The following NUP50 variants were observed in gnomAD, a reference collection of about 807,000 sequenced individuals.
NUP50 encodes the protein nucleoporin 50.
In NUP50, 14 loss-of-function variants were observed where a neutral mutation model predicts 36.8. The ratio of observed to expected loss-of-function variants is 0.38; its 90% confidence interval spans 0.25 to 0.59. The LOEUF (loss-of-function observed/expected upper bound fraction) is 0.59. NUP50 is among the 20% of genes least tolerant of loss of function. The pLI, the probability that NUP50 is intolerant of heterozygous loss-of-function variation, is 0.63. For synonymous variants in NUP50, 195 were observed against 210.8 expected (o/e 0.93, Z 0.65); for missense variants, 455 against 564.6 (o/e 0.81, Z 1.97).
intron 2 of NUP50, chr22:45,170,984 A>G (rs957950446): frequency 1.0e-5 from 13 of 1,303,864 alleles, no homozygotes; most frequent in African/African-American, 4.6e-5. Flanking sequence ...TTCCGACCCT[A>G]CAGGGTAAAA....
rs2074196500 is a variant in NUP50 at position 45,171,648 on chromosome 22, A to G, written c.118A>G (p.Ile40Val). The G allele has an allele frequency of 6.2e-7, 1 of 1,614,212 alleles. No individual in the cohort carries two copies. The highest frequency in any genetic ancestry group is 2.2e-5 in the East Asian group (1 of 44,888). ...TGAGGAAGTCTTGAAGAATAGAGCC[A>G]TAAAGAAAGCAAAGCGCAGAAATGT... ...ASEEVLKNRA[I>V]KKAKRRNVGF... Residue 40 changes from isoleucine to valine, a missense_variant, in exon 3 of 8, where the codon ATA becomes GTA. Ile to Val is a conservative substitution (Grantham distance 29). This residue lies in a region of NUP50 where 166 missense variants were observed against 202.8 expected (regional missense o/e 0.82). Coordinates refer to ENST00000347635, the MANE Select transcript of NUP50 (RefSeq NM_007172.4).
intron 1 of NUP50, chr22:45,164,742 C>G (rs1288608744): frequency 6.6e-6 from 1 of 152,166 alleles, no homozygotes; most frequent in East Asian, 1.9e-4. Context: ...AGACTCTCCC[C>G]TGCGGCCCCG....
At chr22:45,182,103 CAT>C (rs1267605473) in intron 6 of NUP50, among the ~76,000 whole-genome samples, 2 of 151,826 alleles carry the variant, frequency 1.3e-5, no homozygotes, top group African/African-American at 4.8e-5. Flanking sequence ...ACTCACATGA[CAT>C]AAAGGAGTGA....
chr22:45,175,712 G>C (rs1410988600), intron 3 of NUP50, 182 bp from the exon 4 acceptor site: 4 of 541,698 alleles, frequency 7.4e-6, no homozygotes, highest in Admixed American at 6.7e-5. Flanking sequence ...TTGCAAAGCT[G>C]TTCTTATGAA....
chr22:45,175,563 GC>G (rs1296364223), intron 3 of NUP50, among the ~76,000 whole-genome samples: 2 of 152,278 alleles, frequency 1.3e-5, no homozygotes, highest in East Asian at 3.9e-4. Context: ...GTTTTATTGA[GC>G]CGCTTCAGTA....
At chr22:45,168,800 C>A (rs2074135886) in intron 2 of NUP50, among the ~76,000 whole-genome samples, 1 of 151,856 alleles carries the variant, frequency 6.6e-6, no homozygotes, top group Non-Finnish European at 1.5e-5. Context: ...CCTTTTCCAG[C>A]AGAATAAAAA....
chr22:45,171,005 A>C (rs2147672707), intron 2 of NUP50: 1 of 1,304,178 alleles, frequency 7.7e-7, no homozygotes. Context: ...GAAGGGCTAT[A>C]AACTAAAGCC....
intron 1 of NUP50, among the ~76,000 whole-genome samples, chr22:45,167,210 C>T (rs1484552256): frequency 2.0e-5 from 3 of 152,104 alleles, no homozygotes; most frequent in Admixed American, 6.5e-5. Context: ...CAAGACCTGG[C>T]AGGTCCCCAA....
intron 1 of NUP50, chr22:45,166,224 A>T (rs748316237): frequency 2.7e-5 from 4 of 150,874 alleles, no homozygotes; most frequent in Non-Finnish European, 5.9e-5. Context: ...TTACTATTAC[A>T]GTTTTTGTGT....
chr22:45,173,993 A>C (rs1261978648), intron 3 of NUP50, among the ~76,000 whole-genome samples: 1 of 152,324 alleles, frequency 6.6e-6, no homozygotes, highest in East Asian at 1.9e-4. Context: ...GATTCAGTAG[A>C]TCTGCTAAGC....
chr22:45,183,769 A>T lies in NUP50; in HGVS notation c.1204+249A>T, dbSNP rs2074421817. The T allele has an allele frequency of 5.8e-5, 24 of 415,122 alleles. No homozygotes were observed. The South Asian group carries it at 7.7e-4, about 13-fold the overall frequency. 25.7% of individuals were successfully genotyped at this position (415,122 alleles called of 1,614,324 possible). A position where few individuals can be genotyped will look rare whatever the true frequency, so the allele number is the denominator to read the frequency against. The stretch of plus-strand genomic sequence containing the variant: ...GTTAGAAATGTGACTAAGAAGCTAG[A>T]GATTAGACCATTTAATGAACACCCA... On this transcript the variant is annotated intron_variant, in intron 7 of 7. Coordinates refer to ENST00000347635, the MANE Select transcript of NUP50 (RefSeq NM_007172.4).
chr22:45,171,453 A>G (rs758066069), intron 2 of NUP50, 147 bp from the exon 3 acceptor site: 31 of 724,252 alleles, frequency 4.3e-5, no homozygotes, highest in Middle Eastern at 4.0e-4. Flanking sequence ...AAGCGCTAGT[A>G]TTATAGGCGC....
chr22:45,170,995 G>A, intron 2 of NUP50: 9 of 1,304,138 alleles, frequency 6.9e-6, no homozygotes, highest in Non-Finnish European at 9.1e-6. Flanking sequence ...CAGGGTAAAA[G>A]AAGGGCTATA....
Position 45,181,317 on chromosome 22 carries a change from C to G in NUP50, c.1035C>G (p.Pro345=). The G allele has an allele frequency of 6.3e-7, 1 of 1,593,740 alleles. No individual in the cohort carries two copies. The highest frequency in any genetic ancestry group is 8.5e-7 in the Non-Finnish European group (1 of 1,174,644). ...ATGAAGAAGAGAATGATGAGCCACC[C>G]AAAGTAGTAGTTACCGAAGTAAAAG... ...GGDEEENDEP[P]KVVVTEVKEE... is the part of the protein sequence containing the mutation. The change falls in exon 6 of 8, where the codon CCC becomes CCG. Residue 345 remains proline (P), a synonymous_variant. Transcript: ENST00000347635.
chr22:45,164,906 T>C (rs132855), intron 1 of NUP50: 116,157 of 152,156 alleles, frequency 0.76, 45,333 homozygotes, highest in East Asian at 0.99. Context: ...GTTCCCGGGT[T>C]ATTCATCACC....
At chr22:45,171,822 GAAAA>G in intron 3 of NUP50, 139 bp downstream of exon 3, 1 of 669,596 alleles carries the variant, frequency 1.5e-6, no homozygotes, top group Non-Finnish European at 2.5e-6. Flanking sequence ...ATGGGAGATA[GAAAA>G]AAATAAGAAA....
At chr22:45,181,139 C>T (rs995447408) in intron 5 of NUP50, 147 bp from the exon 6 acceptor site, 6 of 56,620 alleles carry the variant, frequency 1.1e-4, no homozygotes, top group Admixed American at 2.2e-4. Flanking sequence ...CTGGCATCCC[C>T]CCCCCCCCCC....
chr22:45,167,368 A>G (rs1383738321), intron 1 of NUP50, among the ~76,000 whole-genome samples: 3 of 152,218 alleles, frequency 2.0e-5, no homozygotes, highest in African/African-American at 4.8e-5. Flanking sequence ...TTATGATATT[A>G]AGATCAGAAA....
rs940799322 is a variant in NUP50 at position 45,170,345 on chromosome 22, G to A, written c.70-1255G>A. 4.0e-5 allele frequency among the ~76,000 whole-genome samples: 6 copies of A among 150,734 alleles called. No individual in the cohort carries two copies. In the East Asian group the frequency reaches 1.2e-3, roughly 30 times the overall value. On this transcript the variant is annotated intron_variant, in intron 2 of 7. Transcript: ENST00000347635. ...GTTTCCCCCTTCGAGGAGAACACCC[G>A]CAAAGCCCAGTAGGGCTGGACTCTA... is the stretch of plus-strand genomic sequence containing the variant.
Sources: gnomAD v4.1 joint callset for allele counts (sites outside exome capture counted in the v4.1 genomes callset) on GRCh38, gnomAD v4.1.1 for gene constraint, gnomAD v4.1.1 regional missense constraint, MANE v1.5 for transcripts, NCBI Gene and HGNC (gene_info 2026-07-23, HGNC 2026-07-21) for gene names.